Variants in UBR3 observed in about 807,000 individuals in gnomAD.
UBR3 encodes ubiquitin protein ligase E3 component n-recognin 3.
UBR3 carries 85 observed loss-of-function variants against 243.2 expected under a neutral mutation model. The observed-to-expected ratio is 0.35, with a 90% CI of 0.29 to 0.42. The LOEUF (loss-of-function observed/expected upper bound fraction) is 0.42, where lower values mean the gene tolerates loss of function less well. Among genes scored for constraint, UBR3 ranks in the 10% least tolerant of loss-of-function variants. The pLI is 1.00. For synonymous variants in UBR3, 748 were observed against 799.8 expected, an observed-to-expected ratio of 0.94 and a Z score of 1.09; for missense variants, 1,686 against 2,300.8, an observed-to-expected ratio of 0.73 and a Z score of 5.47.
At chr2:170,007,350 T>C in intron 28 of UBR3, 160 bp downstream of exon 28, 1 of 741,316 alleles carries the variant, frequency 1.3e-6, no homozygotes, top group South Asian at 2.0e-5. Flanking sequence ...ATAAAAGTAA[T>C]AGAACAAATT....
chr2:169,949,818 C>T lies in UBR3; in HGVS notation c.3298C>T (p.Leu1100Phe). 1 of 1,556,598 alleles carries T rather than the reference C, an allele frequency of 6.4e-7. No homozygotes were observed. Among genetic ancestry groups the T allele is most frequent in the African/African-American group, 1.4e-5 (1 of 73,458 alleles). ...TTTGCTAATTAAACTTCACCACAAACTCTCAGGAAAACAAAACTCCTACTA... is the reference window on the plus strand; with the variant it reads ...TTTGCTAATTAAACTTCACCACAAATTCTCAGGAAAACAAAACTCCTACTA... The part of the protein sequence containing the change: ...LSLLIKLHHK[L>F]SGKQNSYYPP... Residue 1100 changes from leucine to phenylalanine, a missense_variant, in exon 23 of 39, where the codon CTC (leucine) becomes TTC (phenylalanine). Transcript: ENST00000272793.
At chr2:169,865,224 G>A (rs1210313511) in intron 1 of UBR3, among the ~76,000 whole-genome samples, 1 of 152,018 alleles carries the variant, frequency 6.6e-6, no homozygotes, top group East Asian at 1.9e-4. Flanking sequence ...TATTGCCCAA[G>A]CTGGTCATGA....
chr2:170,040,596 G>A (rs1226992280), intron 31 of UBR3, among the ~76,000 whole-genome samples: 1 of 152,072 alleles, frequency 6.6e-6, no homozygotes, highest in Admixed American at 6.5e-5. Flanking sequence ...TTTAATTTCT[G>A]TAATCTAAGA....
chr2:169,831,977 A>C (rs2081954729), intron 1 of UBR3, among the ~76,000 whole-genome samples: 1 of 152,248 alleles, frequency 6.6e-6, no homozygotes, highest in Non-Finnish European at 1.5e-5. Context: ...ATGAGAATAA[A>C]TCTTTCTGTG....
At chr2:170,081,424 C>CG (rs2091904128) in intron 38 of UBR3, among the ~76,000 whole-genome samples, 6 of 151,928 alleles carry the variant, frequency 3.9e-5, no homozygotes, top group Admixed American at 3.3e-4. Flanking sequence ...GGCATGAACT[C>CG]GGGAGGCGGA....
Position 169,949,578 on chromosome 2 carries a change from TTCTTTGTTTC to T in UBR3, c.3085-18_3085-9del. ...GATGCTAAATAACTTCTCTTGATTT[TTCTTTGTTTC>T]TCTTTGTTAATGGTAGAATTCTGGT... is the stretch of plus-strand genomic sequence containing the variant. On this transcript the variant is annotated splice_polypyrimidine_tract_variant and intron_variant, in intron 22 of 38. Coordinates refer to ENST00000272793, the MANE Select transcript of UBR3 (RefSeq NM_172070.4). 6.7e-7 allele frequency: 1 copy of T among 1,482,322 alleles called. No homozygotes were observed. The highest frequency in any genetic ancestry group is 9.0e-7 in the Non-Finnish European group (1 of 1,116,714). 91.8% of individuals were successfully genotyped at this position (1,482,322 alleles called of 1,614,324 possible). A position where few individuals can be genotyped will look rare whatever the true frequency, so the allele number is the denominator to read the frequency against.
intron 1 of UBR3, among the ~76,000 whole-genome samples, chr2:169,840,076 T>C (rs1479249395): frequency 6.6e-6 from 1 of 152,188 alleles, no homozygotes; most frequent in Non-Finnish European, 1.5e-5. Flanking sequence ...GAGTTGTGTG[T>C]CTGTTCCCAT....
In UBR3 at chr2:170,061,362, A is replaced by G; in HGVS notation, c.4938A>G (p.Leu1646=). 6.2e-7 allele frequency: 1 copy of G among 1,614,154 alleles called. No individual in the cohort carries two copies. ...CTCCTGAATCCATGGAAAAATGCTT[A>G]CAGGACTTCTGCTTACCTTTTCTCA... is the stretch of plus-strand genomic sequence containing the variant. ...AWSPESMEKC[L]QDFCLPFLRI... is the part of the protein sequence containing the mutation. Residue 1646 remains leucine (L), a synonymous_variant, in exon 35 of 39, where the codon TTA becomes TTG. Transcript: ENST00000272793.
intron 27 of UBR3, 131 bp downstream of exon 27, chr2:170,001,545 T>G: frequency 1.6e-6 from 1 of 607,448 alleles, no homozygotes. Flanking sequence ...CTATCCAGTC[T>G]CACTTTAACA....
intron 1 of UBR3, among the ~76,000 whole-genome samples, chr2:169,863,436 A>G (rs1187603107): frequency 6.6e-6 from 1 of 152,116 alleles, no homozygotes; most frequent in East Asian, 1.9e-4. Context: ...TTTGTCTAGT[A>G]TTTTTTTAGT....
intron 32 of UBR3, among the ~76,000 whole-genome samples, chr2:170,052,127 T>C (rs543479140): frequency 6.6e-6 from 1 of 152,328 alleles, no homozygotes; most frequent in Admixed American, 6.5e-5. Flanking sequence ...TTTTACATTT[T>C]AGTCAATGCT....
chr2:170,006,488 T>A (rs1488649774), intron 27 of UBR3, among the ~76,000 whole-genome samples: 5 of 152,238 alleles, frequency 3.3e-5, no homozygotes, highest in Non-Finnish European at 5.9e-5. Flanking sequence ...AACTCAGTTG[T>A]CCAATCAGTT....
chr2:169,830,844 G>A (rs2081908682), intron 1 of UBR3, among the ~76,000 whole-genome samples: 1 of 151,794 alleles, frequency 6.6e-6, no homozygotes, highest in African/African-American at 2.4e-5. Context: ...CTGAAGGTAG[G>A]AAATAACACT....
intron 32 of UBR3, among the ~76,000 whole-genome samples, chr2:170,051,336 TATTTA>T (rs1224295419): frequency 6.6e-6 from 1 of 152,128 alleles, no homozygotes; most frequent in Non-Finnish European, 1.5e-5. Flanking sequence ...ACTTCTATTT[TATTTA>T]TTTTATTATT....
chr2:169,932,266 C>T (rs574849768), intron 18 of UBR3, among the ~76,000 whole-genome samples: 9 of 151,958 alleles, frequency 5.9e-5, no homozygotes, highest in African/African-American at 1.4e-4. Context: ...TTAGTAGAGA[C>T]GGGGTTTCAC....
intron 6 of UBR3, 115 bp from the exon 7 acceptor site, chr2:169,895,065 TA>T: frequency 1.0e-6 from 1 of 986,240 alleles, no homozygotes; most frequent in Non-Finnish European, 1.4e-6. Context: ...TGCATTATTG[TA>T]AGGATATTTT....
At position 170,082,209 on chromosome 2, in the gene UBR3, TTCTG is replaced by T. The variant is rs771122590; in HGVS notation, c.*372_*375del. On this transcript the variant is annotated 3_prime_UTR_variant, in exon 39 of 39. Coordinates refer to ENST00000272793, the MANE Select transcript of UBR3 (RefSeq NM_172070.4). ...ATTTATTTGACATTTTACTGCTTCT[TTCTG>T]TCTGTGTGTTTTAATTTGCATCTGC... 28 of 163,566 alleles carry T rather than the reference TTCTG, an allele frequency of 1.7e-4. No individual in the cohort carries two copies. The highest frequency in any genetic ancestry group is 4.5e-4 in the African/African-American group (19 of 42,118). The allele number at this position is 163,566 out of a possible 1,614,324, so 10.1% of individuals were successfully genotyped here. A position where few individuals can be genotyped will look rare whatever the true frequency, so the allele number is the denominator to read the frequency against.
chr2:169,836,043 C>CTCTATATA (rs2082090452), intron 1 of UBR3, among the ~76,000 whole-genome samples: 1 of 8,052 alleles, frequency 1.2e-4, no homozygotes, highest in African/African-American at 4.3e-4. Flanking sequence ...CTCTCTCTCT[C>CTCTATATA]TATATATATA....
chr2:169,883,542 A>T (rs1389953680), intron 5 of UBR3, among the ~76,000 whole-genome samples: 1 of 152,214 alleles, frequency 6.6e-6, no homozygotes, highest in Admixed American at 6.5e-5. Flanking sequence ...ATTTGTAAAC[A>T]TGTTTTAAAA....
Sources: allele counts gnomAD v4.1 joint callset (sites outside exome capture counted in the v4.1 genomes callset), GRCh38; gene constraint gnomAD v4.1.1; transcripts MANE v1.5; gene names NCBI Gene and HGNC (gene_info 2026-07-23, HGNC 2026-07-21).